RPS9: variants seen among roughly 807,000 people sequenced by gnomAD.
The protein encoded by RPS9 is small ribosomal subunit protein uS4.
RPS9 carries 1 observed loss-of-function variant against 16.9 expected under a neutral mutation model. The ratio of observed to expected loss-of-function variants is 0.06; its 90% CI spans 0.02 to 0.28. The LOEUF is 0.28. Ranked by LOEUF, RPS9 falls within the 10% of genes least tolerant of loss-of-function variation. The probability of loss-of-function intolerance (pLI) is 1.00; values close to 1 mark genes in which losing one functional copy is unlikely to be tolerated. For synonymous variants in RPS9, 106 were observed against 110.9 expected (o/e 0.96, Z 0.28); for missense variants, 137 against 273.2 (o/e 0.50, Z 3.51).
At chr19:54,205,072 T>C (rs925869880) in intron 3 of RPS9, among the ~76,000 whole-genome samples, 1 of 152,174 alleles carries the variant, frequency 6.6e-6, no homozygotes, top group Non-Finnish European at 1.5e-5. Flanking sequence ...GATCTATTTA[T>C]GAAAGCTTGC....
At chr19:54,205,721 G>A (rs748245497) in intron 3 of RPS9, among the ~76,000 whole-genome samples, 1 of 152,202 alleles carries the variant, frequency 6.6e-6, no homozygotes, top group Non-Finnish European at 1.5e-5. Context: ...AGCGAGGGAT[G>A]TATGCTCTCA....
At chr19:54,202,159 C>T (rs1328543752) in intron 3 of RPS9, among the ~76,000 whole-genome samples, 1 of 152,072 alleles carries the variant, frequency 6.6e-6, no homozygotes, top group Admixed American at 6.6e-5. Context: ...GTAGCTGGGA[C>T]TACAGACAGG....
intron 3 of RPS9, chr19:54,202,742 T>C: frequency 1.0e-6 from 1 of 985,430 alleles, no homozygotes; most frequent in Non-Finnish European, 1.2e-6. Flanking sequence ...TGAAAAGCAG[T>C]CTCTACACCT....
chr19:54,205,710 G>A (rs542566401), intron 3 of RPS9, among the ~76,000 whole-genome samples: 1 of 152,274 alleles, frequency 6.6e-6, no homozygotes, highest in South Asian at 2.1e-4. Flanking sequence ...TAAGAATGTG[G>A]AGCGAGGGAT....
In RPS9 at chr19:54,201,337, T is replaced by A. The variant is rs574314534; in HGVS notation, c.97+56T>A. ...CGGCTTCCGGGAGGCGGTTAGCACG[T>A]GGATGAAGGTGCCCATGTACTCTAT... On this transcript the variant is annotated intron_variant, in intron 2 of 4. Transcript: ENST00000302907. 4.6e-4 allele frequency: 736 copies of A among 1,613,138 alleles called. 9 individuals carry two copies. The South Asian group carries it at 7.7e-3, about 17-fold the overall frequency.
At chr19:54,203,623 A>AT (rs2077136802) in intron 3 of RPS9, among the ~76,000 whole-genome samples, 1 of 152,148 alleles carries the variant, frequency 6.6e-6, no homozygotes, top group African/African-American at 2.4e-5. Flanking sequence ...AAATACAAAA[A>AT]TTAGCCGAGC....
At chr19:54,203,687 A>G (rs2077139321) in intron 3 of RPS9, among the ~76,000 whole-genome samples, 1 of 151,848 alleles carries the variant, frequency 6.6e-6, no homozygotes, top group Non-Finnish European at 1.5e-5. Context: ...AGGAGAATTG[A>G]TTGAACCTGG....
rs3786632 is a variant in RPS9, at chr19:54,206,970, G to A, written c.408-428G>A. On this transcript the variant is annotated intron_variant, in intron 4 of 4. Coordinates refer to ENST00000302907, the MANE Select transcript of RPS9 (RefSeq NM_001013.4). ...CAGCCCTTCACTAACCCTGTGAGCCGTAGGCAGAGCCTTGTGTGTCAATGC... is the reference window on the plus strand; with the variant it reads ...CAGCCCTTCACTAACCCTGTGAGCCATAGGCAGAGCCTTGTGTGTCAATGC... 3.8e-3 allele frequency: 1,707 copies of A among 454,782 alleles called. 51 individuals carry two copies. In the East Asian group the frequency reaches 0.058, roughly 16 times the overall value. The allele number at this position is 454,782 out of a possible 1,614,324, so 28.2% of individuals were successfully genotyped here.
chr19:54,202,741 G>GTC, intron 3 of RPS9: 1 of 985,440 alleles, frequency 1.0e-6, no homozygotes, highest in Non-Finnish European at 1.2e-6. Context: ...GTGAAAAGCA[G>GTC]TCTCTACACC....
rs2077253914 is a variant in RPS9 at position 54,206,695 on chromosome 19, C to T, written c.407+233C>T. The T allele has an allele frequency of 1.6e-4, 236 of 1,520,304 alleles. 4 individuals are homozygous for T. The South Asian group carries it at 2.8e-3, about 18-fold the overall frequency. 94.2% of individuals were successfully genotyped at this position (1,520,304 alleles called of 1,614,324 possible). A position where few individuals can be genotyped will look rare whatever the true frequency, so the allele number is the denominator to read the frequency against. ...GCTCTAGCCGTACACCTTGTGAAGG[C>T]CTCTGCCAGGCATGTGGGCAGCTGG... is the stretch of plus-strand genomic sequence containing the variant. On this transcript the variant is annotated intron_variant, in intron 4 of 4. Coordinates refer to ENST00000302907, the MANE Select transcript of RPS9 (RefSeq NM_001013.4).
intron 3 of RPS9, among the ~76,000 whole-genome samples, chr19:54,205,430 G>C (rs12983262): frequency 0.31 from 46,127 of 150,742 alleles, 8,322 homozygotes; most frequent in East Asian, 0.43. Context: ...GGAAAATTTT[G>C]TACAGAATAG....
chr19:54,207,343 C>G (rs995113486), intron 4 of RPS9, 55 bp from the exon 5 acceptor site: 11 of 1,468,054 alleles, frequency 7.5e-6, no homozygotes, highest in South Asian at 7.4e-5. Context: ...GGTGCGGTAG[C>G]TGGGGTTAGC....
intron 1 of RPS9, 28 bp from the exon 2 acceptor site, chr19:54,201,132 C>A: frequency 3.1e-6 from 5 of 1,611,854 alleles, no homozygotes; most frequent in Non-Finnish European, 4.2e-6. Context: ...GTTTGGATCC[C>A]TTACGCTCAC....
At chr19:54,201,767 T>C in intron 3 of RPS9, 158 bp downstream of exon 3, 6 of 1,424,216 alleles carry the variant, frequency 4.2e-6, no homozygotes, top group Non-Finnish European at 5.6e-6. Flanking sequence ...GAAAAGTGTA[T>C]CTGGATCAGT....
At chr19:54,201,035 G>GA (rs1389226375) in intron 1 of RPS9, 125 bp from the exon 2 acceptor site, 11 of 1,479,158 alleles carry the variant, frequency 7.4e-6, no homozygotes, top group Non-Finnish European at 9.9e-6. Context: ...GGCAGATACT[G>GA]ACTATGAGAG....
At chr19:54,206,806 C>T (rs1009684813) in intron 4 of RPS9, 52 of 1,244,536 alleles carry the variant, frequency 4.2e-5, no homozygotes, top group Non-Finnish European at 4.9e-5. Context: ...TCTCCTGGCC[C>T]GCTTGTGAAG....
intron 3 of RPS9, chr19:54,203,317 A>G: frequency 1.0e-6 from 1 of 985,334 alleles, no homozygotes; most frequent in Non-Finnish European, 1.2e-6. Context: ...TAGCCTAGTC[A>G]GGGACAGGAA....
chr19:54,203,028 C>A, intron 3 of RPS9: 1 of 984,932 alleles, frequency 1.0e-6, no homozygotes, highest in Non-Finnish European at 1.2e-6. Flanking sequence ...TTGTAGACCC[C>A]GTTGATAATC....
chr19:54,203,301 G>A (rs899510090), intron 3 of RPS9: 14 of 985,270 alleles, frequency 1.4e-5, no homozygotes, highest in Non-Finnish European at 1.7e-5. Flanking sequence ...AGTAAATGAA[G>A]CCATCTAGCC....
Sources: allele counts gnomAD v4.1 joint callset (sites outside exome capture counted in the v4.1 genomes callset), GRCh38; gene constraint gnomAD v4.1.1; transcripts MANE v1.5; gene names NCBI Gene and HGNC (gene_info 2026-07-23, HGNC 2026-07-21).